Variants in SIGLEC11 observed in about 807,000 individuals in gnomAD.
SIGLEC11 encodes the protein sialic acid binding Ig like lectin 11.
Under a neutral mutation model 61.2 loss-of-function variants are expected in SIGLEC11, and 47 were observed. That is an observed-to-expected ratio of 0.77 (90% CI 0.61 to 0.98). The LOEUF is 0.98. SIGLEC11 is among the 50% of genes least tolerant of loss of function. The pLI is 0.00. For missense variants in SIGLEC11, 610 were observed against 870.3 expected (o/e 0.70, Z 3.76); for synonymous variants, 278 against 373.1 (o/e 0.75, Z 2.94).
chr19:49,953,524 G>A (rs957546511), intron 8 of SIGLEC11, among the ~76,000 whole-genome samples: 1 of 152,198 alleles, frequency 6.6e-6, no homozygotes, highest in Non-Finnish European at 1.5e-5. Flanking sequence ...TAGGAACTGG[G>A]AGTGGGGAAG....
chr19:49,950,244 CA>C lies in SIGLEC11; in HGVS notation c.1831-9del. ...GCATTCATGCTGGTGACCCTGAATG[CA>C]GGGGAGAAAGGGGGTCAAATTAGGG... On this transcript the variant is annotated splice_polypyrimidine_tract_variant and intron_variant, in intron 10 of 10. Coordinates refer to ENST00000447370, the MANE Select transcript of SIGLEC11 (RefSeq NM_052884.3). The C allele has an allele frequency of 6.4e-7, 1 of 1,562,392 alleles. No homozygotes were observed. The highest frequency in any genetic ancestry group is 8.7e-7 in the Non-Finnish European group (1 of 1,156,068).
In SIGLEC11 at chr19:49,960,512, C is replaced by T. The variant is rs762840885; in HGVS notation, c.460+40G>A. ...CCCATAGCCTGTCCCCAGGGTCCCTCCCCAGTGTGACAGGCAGGGGTTCCC... is the reference window on the plus strand; with the variant it reads ...CCCATAGCCTGTCCCCAGGGTCCCTTCCCAGTGTGACAGGCAGGGGTTCCC... On this transcript the variant is annotated intron_variant, in intron 2 of 10. Coordinates refer to ENST00000447370, the MANE Select transcript of SIGLEC11 (RefSeq NM_052884.3). 11 of 1,589,956 alleles carry T rather than the reference C, an allele frequency of 6.9e-6. 1 individual carries two copies. Among genetic ancestry groups the T allele is most frequent in the Admixed American group, 3.4e-5 (2 of 59,232 alleles).
In SIGLEC11 at chr19:49,951,923, C is replaced by A. The variant is rs45438992; in HGVS notation, c.1798G>T (p.Asp600Tyr). Residue 600 changes from aspartate to tyrosine, a missense_variant, in exon 10 of 11, where the codon GAC becomes TAC. Coordinates refer to ENST00000447370, the MANE Select transcript of SIGLEC11 (RefSeq NM_052884.3). The surrounding 1 kb of genome is among the most constrained non-coding windows in gnomAD (Gnocchi z 4.6). ...ATGGGTCCCAGGGTGGAGGGCACGT[C>A]CTGCTCAGCTGCTGCCCTCTTGCGA... ...EARKRAAAEQ[D>Y]VPSTLGPISQ... is the part of the protein sequence containing the mutation. 2 of 1,610,426 alleles carry A rather than the reference C, an allele frequency of 1.2e-6. No homozygotes were observed. The highest frequency in any genetic ancestry group is 1.7e-6 in the Non-Finnish European group (2 of 1,178,674).
chr19:49,958,633 C>G lies in SIGLEC11; in HGVS notation c.1363+10G>C, dbSNP rs1360413835. 23 of 1,579,430 alleles carry G rather than the reference C, an allele frequency of 1.5e-5. No homozygotes were observed. The highest frequency in any genetic ancestry group is 1.8e-5 in the Non-Finnish European group (21 of 1,163,516). On this transcript the variant is annotated intron_variant, in intron 7 of 10. Transcript: ENST00000447370. ...TCCTGGGACCCAGGTGTCCCCTTTC[C>G]CCCACTCACAGTGCACGGAGAGGCT...
chr19:49,959,487 G>T lies in SIGLEC11; in HGVS notation c.930C>A (p.His310Gln). The change falls in exon 5 of 11, where the codon CAC becomes CAA. Residue 310 changes from histidine to glutamine, a missense_variant. Physicochemically the swap from His to Gln is conservative, Grantham distance 24. Coordinates refer to ENST00000447370, the MANE Select transcript of SIGLEC11 (RefSeq NM_052884.3). ...GCCCCAGGGTTCTGGGGCCCCAGGG[G>T]TGGGACGAGGAGAGGACTCTGTCCT... ...VLQDRVLSSS[H>Q]PWGPRTLGLE... 6.4e-7 allele frequency: 1 copy of T among 1,573,228 alleles called. No individual in the cohort carries two copies. The highest frequency in any genetic ancestry group is 8.5e-7 in the Non-Finnish European group (1 of 1,171,342).
Position 49,960,605 on chromosome 19 carries a change from C to G in SIGLEC11, c.407G>C (p.Gly136Ala). 1 of 1,599,978 alleles carries G rather than the reference C, an allele frequency of 6.3e-7. No individual in the cohort carries two copies. Residue 136 changes from glycine (G) to alanine (A), a missense_variant, in exon 2 of 11, where the codon GGA (glycine) becomes GCA (alanine). Physicochemically the swap from Gly to Ala is moderately conservative, Grantham distance 60 (BLOSUM62 0). Transcript: ENST00000447370. ...CAGGAAACTATGTCTCACACGGCTTCCTCTCTCCACCCGAAAGAAGTACCA... is the reference window on the plus strand; with the variant it reads ...CAGGAAACTATGTCTCACACGGCTTGCTCTCTCCACCCGAAAGAAGTACCA... ...EAWYFFRVERGSRVRHSFLSN... is the reference protein window; with the variant it reads ...EAWYFFRVERASRVRHSFLSN...
At position 49,952,222 on chromosome 19, in the gene SIGLEC11, C is replaced by T; in HGVS notation, c.1748+76G>A. On this transcript the variant is annotated intron_variant, in intron 9 of 10. Transcript: ENST00000447370. ...CACACCCACTGCCCCATCTAGATTC[C>T]TGCAGCTGGGACTGTCTGGGATTCT... is the stretch of plus-strand genomic sequence containing the variant. The T allele has an allele frequency of 4.1e-6, 6 of 1,450,364 alleles. No individual in the cohort carries two copies. The South Asian group carries it at 6.1e-5, about 15-fold the overall frequency. The allele number at this position is 1,450,364 out of a possible 1,614,324, so 89.8% of individuals were successfully genotyped here.
rs748087006 is a variant in SIGLEC11, at chr19:49,960,769, C to G, written c.243G>C (p.Lys81Asn). 6.2e-6 allele frequency: 10 copies of G among 1,613,600 alleles called. No individual in the cohort carries two copies. Among genetic ancestry groups the G allele is most frequent in the South Asian group, 2.2e-5 (2 of 91,074 alleles). ...TGTTAGTGGCCACAGGAGCACCCGT[C>G]TTTGGGCTGGTCCGTCCTTTGAACC... ...GYWFKGRTSP[K>N]TGAPVATNNQ... Residue 81 changes from lysine to asparagine, a missense_variant, in exon 2 of 11, where the codon AAG becomes AAC. By Grantham distance (94) the Lys-to-Asn change is moderately conservative (BLOSUM62 0). Coordinates refer to ENST00000447370, the MANE Select transcript of SIGLEC11 (RefSeq NM_052884.3).
At chr19:49,953,584 A>G (rs2076174443) in intron 8 of SIGLEC11, among the ~76,000 whole-genome samples, 1 of 152,198 alleles carries the variant, frequency 6.6e-6, no homozygotes, top group African/African-American at 2.4e-5. Context: ...ATCAGCCACA[A>G]AATGGGAAGT....
chr19:49,950,175 G>A lies in SIGLEC11; in HGVS notation c.1892C>T (p.Thr631Ile). The change falls in exon 11 of 11, where the codon ACC becomes ATC. Residue 631 changes from threonine (T) to isoleucine (I), a missense_variant. By Grantham distance (89) the Thr-to-Ile change is moderately conservative. This residue lies in a region of SIGLEC11 where 432 missense variants were observed against 441.5 expected (regional missense o/e 0.98). Transcript: ENST00000447370. ...SQDHPPPGAA[T>I]YTPGKGEEQE... ...CTCTTCCCCCTTCCCCGGGGTGTAG[G>A]TGGCTGCACCTGGGGGCGGGTGGTC... The A allele has an allele frequency of 6.2e-7, 1 of 1,609,840 alleles. No individual in the cohort carries two copies.
At position 49,960,546 on chromosome 19, in the gene SIGLEC11, C is replaced by G; in HGVS notation, c.460+6G>C. 6.3e-7 allele frequency: 1 copy of G among 1,597,976 alleles called. No individual in the cohort carries two copies. Among genetic ancestry groups the G allele is most frequent in the Non-Finnish European group, 8.5e-7 (1 of 1,178,588 alleles). ...GACAGGCAGGGGTTCCCACCCCATT[C>G]CATACCTGTTACTTTTAGAAAGAAC... On this transcript the variant is annotated splice_donor_region_variant and intron_variant, in intron 2 of 10. Transcript: ENST00000447370.
At chr19:49,954,840 C>A (rs2076184982) in intron 8 of SIGLEC11, among the ~76,000 whole-genome samples, 1 of 152,076 alleles carries the variant, frequency 6.6e-6, no homozygotes, top group African/African-American at 2.4e-5. Context: ...TACCAAGATC[C>A]CAACTGGAAC....
chr19:49,952,157 C>A (rs371274164), intron 9 of SIGLEC11, 141 bp downstream of exon 9: 5 of 1,039,842 alleles, frequency 4.8e-6, no homozygotes, highest in African/African-American at 3.2e-5. Context: ...GGCTCTGGAG[C>A]AGACCCCTGC....
At position 49,955,240 on chromosome 19, in the gene SIGLEC11, G is replaced by A. The variant is rs188761374; in HGVS notation, c.1652-2846C>T. Among the ~76,000 whole-genome samples, 225 of 151,658 alleles carry A rather than the reference G, an allele frequency of 1.5e-3. No homozygotes were observed. The highest frequency in any genetic ancestry group is 0.01 in the Middle Eastern group (3 of 294). On this transcript the variant is annotated intron_variant, in intron 8 of 10. Coordinates refer to ENST00000447370, the MANE Select transcript of SIGLEC11 (RefSeq NM_052884.3). This position sits in a 1 kb window ranked among gnomAD's most constrained non-coding sequence, Gnocchi z 4.5. The stretch of plus-strand genomic sequence containing the variant: ...GGCACCAAGCAGCTAGGCACACCAA[G>A]GGTTTAGTCCCTCTCCTCAGCCTGG...
At position 49,959,786 on chromosome 19, in the gene SIGLEC11, A is replaced by T. The variant is rs2122920079; in HGVS notation, c.780T>A (p.His260Gln). The change falls in exon 4 of 11, where the codon CAT (histidine) becomes CAA (glutamine). Residue 260 changes from histidine (H) to glutamine (Q), a missense_variant. By Grantham distance (24) the His-to-Gln change is conservative. This residue lies in a region of SIGLEC11 where 12 missense variants were observed against 101.0 expected (regional missense o/e 0.12). Transcript: ENST00000447370. ...GGCCCTCAGTACCTGACGTGTTGTC[A>T]TGTGAAATGCTGATAATAAGGTCTT... ...APKDLIISIS[H>Q]DNTSALELQG... 1.8e-6 allele frequency: 1 copy of T among 542,456 alleles called. No homozygotes were observed. Among genetic ancestry groups the T allele is most frequent in the Middle Eastern group, 4.5e-4 (1 of 2,234 alleles). 33.6% of individuals were successfully genotyped at this position (542,456 alleles called of 1,614,324 possible).
Position 49,957,364 on chromosome 19 carries a change from AAGT to A in SIGLEC11, c.1651+916_1651+918del, listed in dbSNP as rs201977166. Among the ~76,000 whole-genome samples, 36 of 152,230 alleles carry A rather than the reference AAGT, an allele frequency of 2.4e-4. 1 individual carries two copies. In the East Asian group the frequency reaches 6.4e-3, roughly 27 times the overall value. On this transcript the variant is annotated intron_variant, in intron 8 of 10. Coordinates refer to ENST00000447370, the MANE Select transcript of SIGLEC11 (RefSeq NM_052884.3). ...AATATGCATTCATTCACTCCCAAAA[AAGT>A]AACAGGCAAGGCAAGGGTTAAAAAA...
intron 9 of SIGLEC11, 81 bp from the exon 10 acceptor site, chr19:49,952,053 G>T: frequency 7.2e-7 from 1 of 1,397,336 alleles, no homozygotes. Context: ...CTTAGCAGAG[G>T]CTGGAAGGCT....
chr19:49,958,940 C>T (rs1221537617), intron 6 of SIGLEC11, 40 bp from the exon 7 acceptor site: 5 of 1,610,934 alleles, frequency 3.1e-6, no homozygotes, highest in East Asian at 2.2e-5. Flanking sequence ...CAGCTCAGGG[C>T]TCAGGGACCC....
intron 8 of SIGLEC11, among the ~76,000 whole-genome samples, 184 bp downstream of exon 8, chr19:49,958,099 C>T (rs2076210519): frequency 6.6e-6 from 1 of 152,236 alleles, no homozygotes; most frequent in South Asian, 2.1e-4. Flanking sequence ...AAACAATCCT[C>T]CTGTTCTCCA....
Sources: gnomAD v4.1 joint callset for allele counts (sites outside exome capture counted in the v4.1 genomes callset) on GRCh38, gnomAD v4.1.1 for gene constraint, gnomAD v4.1.1 regional missense constraint, Gnocchi (gnomAD v3.1) non-coding constraint, MANE v1.5 for transcripts, NCBI Gene and HGNC (gene_info 2026-07-23, HGNC 2026-07-21) for gene names.